RIMS2: variants seen among roughly 807,000 people sequenced by gnomAD.
RIMS2 encodes regulating synaptic membrane exocytosis 2, also known as regulating synaptic membrane exocytosis protein 2.
In RIMS2, 59 loss-of-function variants were observed where a neutral mutation model predicts 174.4. The observed-to-expected ratio is 0.34, with a 90% CI of 0.27 to 0.42. The LOEUF (loss-of-function observed/expected upper bound fraction) is 0.42. Among genes scored for constraint, RIMS2 ranks in the 10% least tolerant of loss-of-function variants. The pLI, the probability that RIMS2 is intolerant of heterozygous loss-of-function variation, is 1.00. For synonymous variants in RIMS2, 606 were observed against 572.5 expected, an observed-to-expected ratio of 1.06 and a Z score of -0.84; for missense variants, 1,620 against 1,666.3, an observed-to-expected ratio of 0.97 and a Z score of 0.48.
At chr8:103,549,971 C>A (rs186337107) in intron 1 of RIMS2, among the ~76,000 whole-genome samples, 3 of 152,228 alleles carry the variant, frequency 2.0e-5, no homozygotes, top group African/African-American at 7.2e-5. Context: ...TCTTAGAGAC[C>A]TACAAAGAGA....
chr8:104,135,762 T>A (rs1243637291), intron 19 of RIMS2, among the ~76,000 whole-genome samples: 1 of 151,846 alleles, frequency 6.6e-6, no homozygotes, highest in Non-Finnish European at 1.5e-5. Context: ...AAAGAGTGTT[T>A]GAAATGATGG....
At chr8:103,718,376 C>T (rs2097400456) in intron 2 of RIMS2, among the ~76,000 whole-genome samples, 1 of 152,064 alleles carries the variant, frequency 6.6e-6, no homozygotes, top group Admixed American at 6.6e-5. Context: ...TACAGTTACC[C>T]TGTTTTTTCT....
At chr8:103,903,181 C>T (rs186931767) in intron 4 of RIMS2, among the ~76,000 whole-genome samples, 11 of 152,138 alleles carry the variant, frequency 7.2e-5, no homozygotes, top group Admixed American at 2.0e-4. Flanking sequence ...TGTTAGATAT[C>T]ACAACTAATT....
intron 1 of RIMS2, among the ~76,000 whole-genome samples, chr8:103,609,866 A>G (rs185100723): frequency 3.9e-4 from 59 of 152,322 alleles, no homozygotes; most frequent in African/African-American, 1.4e-3. Context: ...AATTCTGTGA[A>G]GTATGTCATT....
In RIMS2 at chr8:103,550,769, G is replaced by A. The variant is rs1847427015; in HGVS notation, c.176+49707G>A. Among the ~76,000 whole-genome samples, 2 of 152,154 alleles carry A rather than the reference G, an allele frequency of 1.3e-5. 1 individual carries two copies. On this transcript the variant is annotated intron_variant, in intron 1 of 23. Transcript: ENST00000504942. ...AATAGATACAATAAAAAATGATAAAGGGGTTATTACCACTGATCCCACAGA... is the reference window on the plus strand; with the variant it reads ...AATAGATACAATAAAAAATGATAAAAGGGTTATTACCACTGATCCCACAGA...
intron 4 of RIMS2, among the ~76,000 whole-genome samples, chr8:103,890,896 A>G (rs2099240563): frequency 2.0e-5 from 3 of 152,128 alleles, no homozygotes; most frequent in South Asian, 4.1e-4. Context: ...CCTCAGCACT[A>G]TTAACATTTG....
At chr8:103,809,064 G>A (rs1194434391) in intron 3 of RIMS2, among the ~76,000 whole-genome samples, 2 of 152,060 alleles carry the variant, frequency 1.3e-5, no homozygotes. Flanking sequence ...ATGCTCTATA[G>A]GATGTGGCTA....
intron 1 of RIMS2, among the ~76,000 whole-genome samples, chr8:103,513,172 G>A (rs1827387341): frequency 6.6e-6 from 1 of 152,062 alleles, no homozygotes; most frequent in South Asian, 2.1e-4. Flanking sequence ...GGGTGAGCTG[G>A]GCCAGGGAAT....
At chr8:104,061,903 C>T (rs998076648) in intron 19 of RIMS2, among the ~76,000 whole-genome samples, 3 of 151,862 alleles carry the variant, frequency 2.0e-5, no homozygotes, top group Non-Finnish European at 2.9e-5. Flanking sequence ...CATCTTTGCA[C>T]GTTGACATTT....
chr8:104,176,498 A>G (rs1406131286), intron 19 of RIMS2, among the ~76,000 whole-genome samples: 5 of 152,086 alleles, frequency 3.3e-5, no homozygotes, highest in Non-Finnish European at 7.4e-5. Flanking sequence ...TGGTCCTTAA[A>G]CTATTGGTTT....
chr8:103,975,002 T>C (rs1386371568), intron 15 of RIMS2, among the ~76,000 whole-genome samples: 1 of 152,212 alleles, frequency 6.6e-6, no homozygotes, highest in African/African-American at 2.4e-5. Flanking sequence ...ATTTGAAGCT[T>C]TTCTAGGTCA....
At chr8:104,081,028 G>T (rs2097407923) in intron 19 of RIMS2, among the ~76,000 whole-genome samples, 1 of 151,950 alleles carries the variant, frequency 6.6e-6, no homozygotes, top group South Asian at 2.1e-4. Flanking sequence ...ATTATAACAT[G>T]GGAGGTAGGA....
chr8:104,145,439 A>C (rs2098628064), intron 19 of RIMS2, among the ~76,000 whole-genome samples: 1 of 152,078 alleles, frequency 6.6e-6, no homozygotes, highest in African/African-American at 2.4e-5. Context: ...GCCCATAATT[A>C]CAAATTCTTT....
intron 19 of RIMS2, among the ~76,000 whole-genome samples, chr8:104,192,589 C>A (rs1455334023): frequency 6.6e-6 from 1 of 152,056 alleles, no homozygotes; most frequent in African/African-American, 2.4e-5. Flanking sequence ...GAGTATCATT[C>A]AAAACAAAAT....
At chr8:103,989,323 G>A in exon 17 of RIMS2, 4 of 1,610,292 alleles carry the variant, frequency 2.5e-6, no homozygotes, top group Non-Finnish European at 3.4e-6. Context: ...TGGAACAGGG[G>A]CTTCGAGGGA....
At chr8:103,669,674 A>T (rs891330012) in intron 1 of RIMS2, among the ~76,000 whole-genome samples, 6 of 152,224 alleles carry the variant, frequency 3.9e-5, no homozygotes, top group Non-Finnish European at 8.8e-5. Flanking sequence ...GGACAGTCAA[A>T]TCTTAAAGCT....
chr8:104,189,421 T>G (rs1423361959), intron 19 of RIMS2, among the ~76,000 whole-genome samples: 11 of 151,804 alleles, frequency 7.2e-5, no homozygotes, highest in Admixed American at 7.2e-4. Context: ...CTCACTTAGG[T>G]GTGTCCCTTC....
At chr8:103,932,342 A>G (rs1336557146) in intron 12 of RIMS2, among the ~76,000 whole-genome samples, 2 of 152,218 alleles carry the variant, frequency 1.3e-5, no homozygotes, top group Admixed American at 1.3e-4. Context: ...ATCTCAGCAA[A>G]GAAAAGGACA....
At chr8:103,547,859 A>G (rs1047123046) in intron 1 of RIMS2, among the ~76,000 whole-genome samples, 1 of 152,248 alleles carries the variant, frequency 6.6e-6, no homozygotes, top group East Asian at 1.9e-4. Context: ...ATACTAAAAA[A>G]CCTTCAGAAA....
Sources: allele counts gnomAD v4.1 joint callset (sites outside exome capture counted in the v4.1 genomes callset), GRCh38; gene constraint gnomAD v4.1.1; transcripts MANE v1.5; gene names NCBI Gene and HGNC (gene_info 2026-07-23, HGNC 2026-07-21).